The following SERAC1 variants were observed in gnomAD, a reference collection of about 807,000 sequenced individuals.
The protein encoded by SERAC1 is protein SERAC1.
A neutral mutation model predicts 85.7 loss-of-function variants in SERAC1; 36 were observed. That is an observed-to-expected ratio of 0.42 (90% CI 0.32 to 0.55). SERAC1 has a LOEUF of 0.55. Among genes scored for constraint, SERAC1 ranks in the 20% least tolerant of loss-of-function variants. The probability of loss-of-function intolerance (pLI) is 0.11; values close to 1 mark genes in which losing one functional copy is unlikely to be tolerated. For missense variants in SERAC1, 629 were observed against 796.2 expected, an observed-to-expected ratio of 0.79 and a Z score of 2.53; for synonymous variants, 242 against 265.3, an observed-to-expected ratio of 0.91 and a Z score of 0.85.
rs1463036956 is a variant in SERAC1 at position 158,111,151 on chromosome 6, G to C, written c.*215C>G. The C allele has an allele frequency of 7.9e-6, 3 of 381,496 alleles. No homozygotes were observed. Among genetic ancestry groups the C allele is most frequent in the Admixed American group, 8.6e-5 (2 of 23,324 alleles). 23.6% of individuals were successfully genotyped at this position (381,496 alleles called of 1,614,324 possible). ...ACAGGGACTTCTTTACACCAAAGGG[G>C]CCCAATCCAGCCCTTCCTTCTGTGC... On this transcript the variant is annotated 3_prime_UTR_variant, in exon 17 of 17. Coordinates refer to ENST00000647468, the MANE Select transcript of SERAC1 (RefSeq NM_032861.4).
intron 8 of SERAC1, among the ~76,000 whole-genome samples, chr6:158,135,487 C>T (rs533752240): frequency 3.7e-4 from 56 of 152,032 alleles, no homozygotes; most frequent in Non-Finnish European, 6.3e-4. Flanking sequence ...GAGCCGAGAT[C>T]GCGCCACTGC....
At chr6:158,145,538 T>C (rs1158027906) in intron 6 of SERAC1, among the ~76,000 whole-genome samples, 1 of 151,416 alleles carries the variant, frequency 6.6e-6, no homozygotes, top group Non-Finnish European at 1.5e-5. Context: ...TTTTTTTTTT[T>C]TTGAGACAGT....
Position 158,143,197 on chromosome 6 carries a change from G to A in SERAC1, c.610-13C>T. On this transcript the variant is annotated splice_polypyrimidine_tract_variant and intron_variant, in intron 7 of 16. Coordinates refer to ENST00000647468, the MANE Select transcript of SERAC1 (RefSeq NM_032861.4). ...CAGTGGAAGAATCCTGAAATAAAAGGAAAGGAAATTCTTCATAAATACTCA... is the reference window on the plus strand; with the variant it reads ...CAGTGGAAGAATCCTGAAATAAAAGAAAAGGAAATTCTTCATAAATACTCA... The A allele has an allele frequency of 6.2e-7, 1 of 1,607,484 alleles. No individual in the cohort carries two copies. The highest frequency in any genetic ancestry group is 1.3e-5 in the African/African-American group (1 of 74,620).
intron 7 of SERAC1, among the ~76,000 whole-genome samples, 161 bp from the exon 8 acceptor site, chr6:158,143,345 CTCTATATATATATATA>C (rs1211752008): frequency 9.5e-4 from 25 of 26,426 alleles, no homozygotes; most frequent in East Asian, 3.6e-3. Flanking sequence ...CTCTCTCTCT[CTCTATATATATATATA>C]TATATATATA....
In SERAC1 at chr6:158,143,109, A is replaced by G. The variant is rs771181400; in HGVS notation, c.685T>C (p.Tyr229His). Residue 229 changes from tyrosine (Y) to histidine (H), a missense_variant, in exon 8 of 17, where the codon TAT becomes CAT. Coordinates refer to ENST00000647468, the MANE Select transcript of SERAC1 (RefSeq NM_032861.4). ...TCACTAAGAGCCAAAGATGTAAAAT[A>G]CTGGATACACTCATCTAGCTCTGTT... ...PQTELDECIQ[Y>H]FTSLALSESS... 6.2e-7 allele frequency: 1 copy of G among 1,613,626 alleles called. No individual in the cohort carries two copies. The highest frequency in any genetic ancestry group is 1.1e-5 in the South Asian group (1 of 90,990).
At chr6:158,121,739 TTATATC>T (rs1784426562) in intron 10 of SERAC1, among the ~76,000 whole-genome samples, 1 of 152,174 alleles carries the variant, frequency 6.6e-6, no homozygotes, top group African/African-American at 2.4e-5. Flanking sequence ...TATTTAAAAA[TTATATC>T]TATAGAGATA....
Position 158,123,101 on chromosome 6 carries a change from T to G in SERAC1, c.1016-2526A>C, listed in dbSNP as rs114320126. Among the ~76,000 whole-genome samples, 594 of 152,296 alleles carry G rather than the reference T, an allele frequency of 3.9e-3. 6 individuals carry two copies. The highest frequency in any genetic ancestry group is 0.014 in the African/African-American group (569 of 41,568). On this transcript the variant is annotated intron_variant, in intron 10 of 16. Coordinates refer to ENST00000647468, the MANE Select transcript of SERAC1 (RefSeq NM_032861.4). The stretch of plus-strand genomic sequence containing the variant: ...TAAAGAGAAAAAAACACAGGGCAAG[T>G]TAGCAGAATTCAAATTGGAGTACTG...
rs1286484090 is a variant in SERAC1, at chr6:158,120,785, A to C, written c.1016-210T>G. Reference sequence around the variant, plus strand: ...ATCCACATACCCCTTAAGGGACCTCAAAGAAGGAAAGAGGGGTTGAAGAGC... The same window carrying C: ...ATCCACATACCCCTTAAGGGACCTCCAAGAAGGAAAGAGGGGTTGAAGAGC... On this transcript the variant is annotated intron_variant, in intron 10 of 16. Coordinates refer to ENST00000647468, the MANE Select transcript of SERAC1 (RefSeq NM_032861.4). This position sits in a 1 kb window ranked among gnomAD's most constrained non-coding sequence, Gnocchi z 4.4. 3.3e-5 allele frequency among the ~76,000 whole-genome samples: 5 copies of C among 152,188 alleles called. No homozygotes were observed. The highest frequency in any genetic ancestry group is 4.8e-5 in the African/African-American group (2 of 41,456).
chr6:158,146,810 C>T lies in SERAC1; in HGVS notation c.459G>A (p.Arg153=), dbSNP rs1487134060. The T allele has an allele frequency of 6.2e-7, 1 of 1,613,968 alleles. No individual in the cohort carries two copies. The highest frequency in any genetic ancestry group is 1.1e-5 in the South Asian group (1 of 91,078). The change falls in exon 6 of 17, where the codon CGG becomes CGA. Residue 153 remains arginine, a synonymous_variant. Coordinates refer to ENST00000647468, the MANE Select transcript of SERAC1 (RefSeq NM_032861.4). Reference sequence around the variant, plus strand: ...GCCAGTGATGGGTCTCCGACATTTCCCGCACAGCCTCGAGTCGCGTGGTTT... The same window carrying T: ...GCCAGTGATGGGTCTCCGACATTTCTCGCACAGCCTCGAGTCGCGTGGTTT... ...DDKTTRLEAV[R]EMSETHHWHD... is the part of the protein sequence containing the mutation.
At chr6:158,150,706 G>A in intron 3 of SERAC1, 117 bp from the exon 4 acceptor site, 1 of 745,326 alleles carries the variant, frequency 1.3e-6, no homozygotes. Flanking sequence ...AACATAACAT[G>A]TATACAGTAA....
intron 1 of SERAC1, among the ~76,000 whole-genome samples, chr6:158,165,401 C>A (rs140209149): frequency 6.6e-6 from 1 of 152,038 alleles, no homozygotes; most frequent in Non-Finnish European, 1.5e-5. Context: ...GTGATCCACC[C>A]GCCTCGGCCT....
At position 158,130,464 on chromosome 6, in the gene SERAC1, C is replaced by T; in HGVS notation, c.761G>A (p.Gly254Glu). The T allele has an allele frequency of 6.3e-7, 1 of 1,596,026 alleles. No homozygotes were observed. The highest frequency in any genetic ancestry group is 8.5e-7 in the Non-Finnish European group (1 of 1,173,084). Residue 254 changes from glycine (G) to glutamate (E), a missense_variant, in exon 9 of 17, where the codon GGA becomes GAA. Physicochemically the swap from Gly to Glu is moderately conservative, Grantham distance 98 (BLOSUM62 -2). Coordinates refer to ENST00000647468, the MANE Select transcript of SERAC1 (RefSeq NM_032861.4). ...AQKGGLWCFG[G>E]NGLPYAESFG... ...ACTTTCAGCATAAGGAAGTCCATTT[C>T]CTCCAAAACACCATAAACCACCCTG... is the stretch of plus-strand genomic sequence containing the variant.
At chr6:158,140,725 G>C (rs745415349) in intron 8 of SERAC1, among the ~76,000 whole-genome samples, 1 of 152,178 alleles carries the variant, frequency 6.6e-6, no homozygotes, top group African/African-American at 2.4e-5. Flanking sequence ...CTGTGGGACA[G>C]AGCCCTTAAC....
At chr6:158,115,697 A>AC (rs1440655329) in intron 14 of SERAC1, among the ~76,000 whole-genome samples, 9 of 152,070 alleles carry the variant, frequency 5.9e-5, no homozygotes, top group African/African-American at 2.2e-4. Context: ...AACCACTAGG[A>AC]CCCCAAGAAC....
chr6:158,138,348 T>C (rs1263231281), intron 8 of SERAC1, among the ~76,000 whole-genome samples: 1 of 149,062 alleles, frequency 6.7e-6, no homozygotes, highest in Non-Finnish European at 1.5e-5. Flanking sequence ...GGCAGGAGAA[T>C]TGCTTGAGCC....
intron 10 of SERAC1, among the ~76,000 whole-genome samples, chr6:158,124,664 G>A (rs1249038811): frequency 4.6e-5 from 7 of 151,614 alleles, no homozygotes; most frequent in African/African-American, 9.7e-5. Flanking sequence ...ACGTATAAGA[G>A]AACAAAAGTG....
intron 7 of SERAC1, among the ~76,000 whole-genome samples, 190 bp from the exon 8 acceptor site, chr6:158,143,374 T>C (rs867600295): frequency 0.026 from 212 of 8,026 alleles, 1 homozygote; most frequent in African/African-American, 0.056. Flanking sequence ...TATATATATA[T>C]ACACACACAC....
intron 3 of SERAC1, among the ~76,000 whole-genome samples, chr6:158,154,704 G>T (rs988998020): frequency 7.2e-5 from 11 of 152,178 alleles, no homozygotes; most frequent in Non-Finnish European, 1.5e-4. Context: ...TTCTCAGTCA[G>T]CCTCAATTTC....
intron 6 of SERAC1, among the ~76,000 whole-genome samples, chr6:158,145,106 T>C (rs947523874): frequency 6.6e-5 from 10 of 152,120 alleles, no homozygotes; most frequent in African/African-American, 2.2e-4. Context: ...TAGCCAGGCG[T>C]GGTGGCAGGC....
Sources: allele counts gnomAD v4.1 joint callset (sites outside exome capture counted in the v4.1 genomes callset), GRCh38; gene constraint gnomAD v4.1.1; non-coding constraint Gnocchi (gnomAD v3.1); transcripts MANE v1.5; gene names NCBI Gene and HGNC (gene_info 2026-07-23, HGNC 2026-07-21).